PRH1: variants seen among roughly 807,000 people sequenced by gnomAD.
PRH1 encodes the protein proline rich protein HaeIII subfamily 1.
In PRH1, 7 loss-of-function variants were observed where a neutral mutation model predicts 7.9. The ratio of observed to expected loss-of-function variants is 0.89; its 90% CI spans 0.50 to 1.67. The LOEUF (loss-of-function observed/expected upper bound fraction) is 1.67, where lower values mean the gene tolerates loss of function less well. PRH1 is among the 40% of genes most tolerant of loss of function. The pLI is 0.00. For synonymous variants in PRH1, 45 were observed against 80.8 expected, an observed-to-expected ratio of 0.56 and a Z score of 2.38; for missense variants, 109 against 223.6, an observed-to-expected ratio of 0.49 and a Z score of 3.27.
In PRH1 at chr12:11,095,019, C is replaced by T. The variant is rs199883925; in HGVS notation, n.124-47831G>A. 1.6e-3 allele frequency among the ~76,000 whole-genome samples: 88 copies of T among 54,538 alleles called. 5 individuals carry two copies. The highest frequency in any genetic ancestry group is 5.1e-3 in the African/African-American group (86 of 16,722). The allele number at this position is 54,538 out of a possible 152,430, so 35.8% of individuals were successfully genotyped here. On this transcript the variant is annotated intron_variant and non_coding_transcript_variant, in intron 1 of 4. Coordinates refer to the PRH1 transcript ENST00000541977. The stretch of plus-strand genomic sequence containing the variant: ...ATCGCTTGGTCTAGCCTACTTTGAA[C>T]GCTGTATAGGTGCAATCCTACATGT...
chr12:11,094,421 A>C lies in PRH1; in HGVS notation n.124-47233T>G, dbSNP rs1426352634. Among the ~76,000 whole-genome samples, 3 of 114,426 alleles carry C rather than the reference A, an allele frequency of 2.6e-5. 1 individual carries two copies. Among genetic ancestry groups the C allele is most frequent in the Non-Finnish European group, 6.2e-5 (3 of 48,642 alleles). 75.1% of individuals were successfully genotyped at this position (114,426 alleles called of 152,430 possible). ...CATAACTGATAAAAGAACTCTGCTA[A>C]ACCAAGAGTGTGGGAAATATGTACA... On this transcript the variant is annotated intron_variant and non_coding_transcript_variant, in intron 1 of 4. Coordinates refer to the PRH1 transcript ENST00000541977.
At chr12:10,908,710 A>G (rs1232834878) in intron 2 of PRH1, 1 of 1,613,906 alleles carries the variant, frequency 6.2e-7, no homozygotes, top group Non-Finnish European at 8.5e-7. Context: ...AGGAGAAAAG[A>G]GATGAAGGCC....
At chr12:10,997,546 G>T (rs1392922214) in intron 1 of PRH1, 2 of 1,613,906 alleles carry the variant, frequency 1.2e-6, no homozygotes, top group African/African-American at 2.7e-5. Context: ...AGAAATTGAC[G>T]ATCTTGAGCA....
chr12:11,133,928 T>G (rs1253119696), intron 1 of PRH1: 2 of 1,614,024 alleles, frequency 1.2e-6, no homozygotes, highest in Non-Finnish European at 8.5e-7. Context: ...CCTGAGCAAA[T>G]AAAACATGCT....
intron 2 of PRH1, among the ~76,000 whole-genome samples, chr12:10,902,938 G>C (rs1275075085): frequency 3.9e-5 from 6 of 152,022 alleles, no homozygotes; most frequent in African/African-American, 1.4e-4. Flanking sequence ...ACCCTATAAA[G>C]AAACCACACA....
At chr12:10,949,172 T>C (rs976598529) in intron 2 of PRH1, among the ~76,000 whole-genome samples, 10 of 152,318 alleles carry the variant, frequency 6.6e-5, no homozygotes, top group African/African-American at 2.4e-4. Context: ...TAGTAGTGGT[T>C]GTGGCCAAGA....
intron 1 of PRH1, among the ~76,000 whole-genome samples, chr12:11,030,062 C>T (rs1442421373): frequency 1.3e-5 from 2 of 151,858 alleles, no homozygotes; most frequent in African/African-American, 4.8e-5. Context: ...TATAAATAGA[C>T]ATCATAAATT....
Position 10,937,329 on chromosome 12 carries a change from C to A in PRH1, c.-59+36326G>T, listed in dbSNP as rs967750958. ...GAAGACATGTCATTGTTTTATGTACCACCATTAACAAGTATCATTATTTTA... is the reference window on the plus strand; with the variant it reads ...GAAGACATGTCATTGTTTTATGTACAACCATTAACAAGTATCATTATTTTA... On this transcript the variant is annotated intron_variant, in intron 2 of 3. Transcript: ENST00000539853. The A allele has an allele frequency of 3.3e-5, 5 of 151,662 alleles. 1 individual carries two copies. In the East Asian group the frequency reaches 7.7e-4, roughly 23 times the overall value. 9.4% of individuals were successfully genotyped at this position (151,662 alleles called of 1,614,324 possible). A position where few individuals can be genotyped will look rare whatever the true frequency, so the allele number is the denominator to read the frequency against.
At chr12:11,011,487 C>A (rs956849173) in intron 1 of PRH1, among the ~76,000 whole-genome samples, 2 of 152,086 alleles carry the variant, frequency 1.3e-5, no homozygotes, top group African/African-American at 4.8e-5. Flanking sequence ...TGCTAGCATG[C>A]AAATACAGAC....
At chr12:11,042,959 G>A (rs1244665573) in intron 1 of PRH1, among the ~76,000 whole-genome samples, 7 of 152,052 alleles carry the variant, frequency 4.6e-5, no homozygotes, top group Non-Finnish European at 8.8e-5. Flanking sequence ...TTATTACCCT[G>A]ATACCAAAAC....
chr12:11,149,908 G>A (rs1212024947), intron 1 of PRH1, among the ~76,000 whole-genome samples: 24 of 136,186 alleles, frequency 1.8e-4, no homozygotes, highest in African/African-American at 3.4e-4. Flanking sequence ...GAAAATTTTC[G>A]CAACCTACTC....
intron 1 of PRH1, among the ~76,000 whole-genome samples, chr12:10,987,217 T>C (rs1338823879): frequency 1.3e-5 from 2 of 152,170 alleles, no homozygotes; most frequent in Non-Finnish European, 2.9e-5. Context: ...TATTTTGCAA[T>C]GTTTTCCTTG....
Position 10,986,265 on chromosome 12 carries a change from A to T in PRH1, c.-125-12544T>A, listed in dbSNP as rs752651750. On this transcript the variant is annotated intron_variant, in intron 1 of 3. Coordinates refer to the PRH1 transcript ENST00000539853. The stretch of plus-strand genomic sequence containing the variant: ...CTTGAGATGTTTACACAGAGAACAG[A>T]TTAGCATCAGAAAAGATATCAGGGA... 4.8e-5 allele frequency: 78 copies of T among 1,614,134 alleles called. No individual in the cohort carries two copies. The South Asian group carries it at 7.2e-4, about 15-fold the overall frequency.
chr12:10,980,112 C>A (rs184627277), intron 1 of PRH1, among the ~76,000 whole-genome samples: 1 of 152,156 alleles, frequency 6.6e-6, no homozygotes, highest in African/African-American at 2.4e-5. Flanking sequence ...GATGAACTTA[C>A]CTAAAAAGTA....
At position 10,909,275 on chromosome 12, in the gene PRH1, G is replaced by C. The variant is rs530699969; in HGVS notation, c.-58-25000C>G. The C allele has an allele frequency of 4.3e-6, 7 of 1,612,934 alleles. No individual in the cohort carries two copies. In the African/African-American group the frequency reaches 9.3e-5, roughly 22 times the overall value. On this transcript the variant is annotated intron_variant, in intron 2 of 3. Coordinates refer to the PRH1 transcript ENST00000539853. Reference sequence around the variant, plus strand: ...ATTCTGCAATTATTACAAGAGTGAAGATACTCGGCAGGGCACTTTCCATGT... The same window carrying C: ...ATTCTGCAATTATTACAAGAGTGAACATACTCGGCAGGGCACTTTCCATGT...
intron 1 of PRH1, among the ~76,000 whole-genome samples, chr12:11,066,648 TGA>T: frequency 6.6e-6 from 1 of 151,466 alleles, no homozygotes; most frequent in Non-Finnish European, 1.5e-5. Flanking sequence ...TATATATAGA[TGA>T]TGATGATAAT....
At chr12:11,077,250 A>C in intron 1 of PRH1, 1 of 197,902 alleles carries the variant, frequency 5.1e-6, no homozygotes, top group Middle Eastern at 5.1e-4. Flanking sequence ...TAGAAATATA[A>C]AATGTTCAAG....
chr12:11,006,894 T>C (rs1330647295), intron 1 of PRH1, among the ~76,000 whole-genome samples: 1 of 152,124 alleles, frequency 6.6e-6, no homozygotes, highest in African/African-American at 2.4e-5. Context: ...GTTCTTGCTA[T>C]ACGCTGAAAT....
At chr12:11,066,478 A>G (rs1340333271) in intron 1 of PRH1, among the ~76,000 whole-genome samples, 1 of 151,942 alleles carries the variant, frequency 6.6e-6, no homozygotes, top group African/African-American at 2.4e-5. Flanking sequence ...ATATTGTAAA[A>G]TAAGCTATAC....
Sources: gnomAD v4.1 joint callset for allele counts (sites outside exome capture counted in the v4.1 genomes callset) on GRCh38, gnomAD v4.1.1 for gene constraint, MANE v1.5 for transcripts, NCBI Gene and HGNC (gene_info 2026-07-23, HGNC 2026-07-21) for gene names.